Variants in CLASP1 observed in about 807,000 individuals in gnomAD.
CLASP1 encodes CLIP-associating protein 1.
In CLASP1, 38 loss-of-function variants were observed where a neutral mutation model predicts 192.3. The observed-to-expected ratio is 0.20, with a 90% CI of 0.15 to 0.26. The LOEUF (loss-of-function observed/expected upper bound fraction) is 0.26. Among genes scored for constraint, CLASP1 ranks in the 10% least tolerant of loss-of-function variants. The pLI, the probability that CLASP1 is intolerant of heterozygous loss-of-function variation, is 1.00. For synonymous variants in CLASP1, 691 were observed against 712.8 expected, an observed-to-expected ratio of 0.97 and a Z score of 0.49; for missense variants, 1,433 against 1,932.5, an observed-to-expected ratio of 0.74 and a Z score of 4.85.
intron 23 of CLASP1, among the ~76,000 whole-genome samples, chr2:121,415,527 T>C (rs1015496130): frequency 6.6e-6 from 1 of 152,210 alleles, no homozygotes; most frequent in African/African-American, 2.4e-5. Context: ...TCTGTCCTCA[T>C]GTGGATAGAA....
At chr2:121,634,541 T>C (rs1198079137) in intron 1 of CLASP1, among the ~76,000 whole-genome samples, 2 of 152,208 alleles carry the variant, frequency 1.3e-5, no homozygotes, top group Non-Finnish European at 1.5e-5. Context: ...CATGACTCCA[T>C]AAAATCAGTA....
intron 9 of CLASP1, 97 bp from the exon 10 acceptor site, chr2:121,462,702 TGGAA>T: frequency 1.4e-6 from 1 of 726,944 alleles, no homozygotes; most frequent in Non-Finnish European, 2.3e-6. Flanking sequence ...AATTACATTT[TGGAA>T]GATTCAGAAC....
At chr2:121,430,858 T>C (rs2081273380) in intron 19 of CLASP1, among the ~76,000 whole-genome samples, 1 of 151,844 alleles carries the variant, frequency 6.6e-6, no homozygotes, top group Non-Finnish European at 1.5e-5. Flanking sequence ...AATCCAATGC[T>C]GTAGGCAGTT....
chr2:121,365,277 G>A (rs552274607), exon 36 of CLASP1: 58 of 1,612,130 alleles, frequency 3.6e-5, no homozygotes, highest in East Asian at 6.7e-5. Flanking sequence ...CAGAATGGTC[G>A]ATGGGCACTG....
chr2:121,534,089 A>C (rs764734486), intron 2 of CLASP1, among the ~76,000 whole-genome samples: 3 of 152,248 alleles, frequency 2.0e-5, no homozygotes, highest in Non-Finnish European at 2.9e-5. Context: ...CCAGGTCAAG[A>C]AACAGAGACA....
chr2:121,424,527 T>C (rs985701027), intron 22 of CLASP1, among the ~76,000 whole-genome samples: 40 of 152,216 alleles, frequency 2.6e-4, no homozygotes, highest in African/African-American at 9.2e-4. Context: ...ATGAATTAGA[T>C]TTTAAATGGA....
At chr2:121,457,746 G>C (rs771432085) in exon 14 of CLASP1, 8 of 1,612,686 alleles carry the variant, frequency 5.0e-6, no homozygotes, top group Non-Finnish European at 6.8e-6. Flanking sequence ...TTAACCTAGG[G>C]ATGTGTGTGT....
At chr2:121,485,384 T>G (rs1331418413) in intron 8 of CLASP1, among the ~76,000 whole-genome samples, 1 of 152,234 alleles carries the variant, frequency 6.6e-6, no homozygotes, top group African/African-American at 2.4e-5. Flanking sequence ...GCCACCAGCA[T>G]ATGCACACAG....
At chr2:121,441,552 C>T (rs547031811) in intron 19 of CLASP1, among the ~76,000 whole-genome samples, 6 of 151,966 alleles carry the variant, frequency 3.9e-5, no homozygotes, top group African/African-American at 1.5e-4. Context: ...ATAGGGAGAC[C>T]CCATCTCTAC....
At chr2:121,402,935 C>A (rs558942281) in intron 26 of CLASP1, among the ~76,000 whole-genome samples, 1 of 152,160 alleles carries the variant, frequency 6.6e-6, no homozygotes, top group Non-Finnish European at 1.5e-5. Context: ...CTCCACCTCC[C>A]AGGTTCAAGT....
At chr2:121,450,781 T>C in intron 16 of CLASP1, 132 bp downstream of exon 16, 2 of 611,356 alleles carry the variant, frequency 3.3e-6, no homozygotes, top group Non-Finnish European at 5.7e-6. Flanking sequence ...AAATGGCCTT[T>C]TGGGGGTCAT....
intron 2 of CLASP1, chr2:121,531,032 AT>A (rs1559536178): frequency 2.9e-6 from 2 of 699,782 alleles, no homozygotes; most frequent in African/African-American, 1.7e-5. Context: ...TCATAGACTT[AT>A]CAGTTCAAAC....
At chr2:121,488,434 G>A (rs769847278) in intron 8 of CLASP1, among the ~76,000 whole-genome samples, 60 of 152,180 alleles carry the variant, frequency 3.9e-4, no homozygotes, top group Non-Finnish European at 7.3e-4. Context: ...CAGCCATGCT[G>A]CCAGTCCCAG....
At chr2:121,464,866 A>AT (rs2089175262) in intron 9 of CLASP1, among the ~76,000 whole-genome samples, 1 of 152,124 alleles carries the variant, frequency 6.6e-6, no homozygotes, top group Non-Finnish European at 1.5e-5. Flanking sequence ...CCATTTGTCA[A>AT]TTTTGGCTTC....
At chr2:121,348,571 T>C (rs766561741) in exon 38 of CLASP1, 1 of 1,613,684 alleles carries the variant, frequency 6.2e-7, no homozygotes, top group East Asian at 2.2e-5. Context: ...TTTGCGATCC[T>C]CTCGACGACT....
intron 2 of CLASP1, chr2:121,532,695 G>C (rs2094927414): frequency 1.3e-5 from 2 of 152,086 alleles, no homozygotes; most frequent in Admixed American, 1.3e-4. Flanking sequence ...AAGGTAATGA[G>C]GTATCCTGGA....
intron 32 of CLASP1, among the ~76,000 whole-genome samples, chr2:121,385,641 C>G (rs909827906): frequency 2.0e-5 from 3 of 152,148 alleles, no homozygotes; most frequent in Non-Finnish European, 4.4e-5. Flanking sequence ...TCCCTTTTGA[C>G]TTACTAAAGA....
At chr2:121,425,410 C>T (rs187527852) in intron 21 of CLASP1, 104 bp from the exon 22 acceptor site, 871 of 901,088 alleles carry the variant, frequency 9.7e-4, no homozygotes, top group Non-Finnish European at 1.3e-3. Context: ...CTAAAATACA[C>T]AATTTTATAT....
chr2:121,531,180 A>ACCC (rs1423591072), intron 2 of CLASP1, among the ~76,000 whole-genome samples: 1 of 152,016 alleles, frequency 6.6e-6, no homozygotes, highest in Non-Finnish European at 1.5e-5. Flanking sequence ...ACAGAACTTC[A>ACCC]CCCCTTTAAC....
Sources: allele counts gnomAD v4.1 joint callset (sites outside exome capture counted in the v4.1 genomes callset), GRCh38; gene constraint gnomAD v4.1.1; transcripts MANE v1.5; gene names NCBI Gene and HGNC (gene_info 2026-07-23, HGNC 2026-07-21).